Variants in DTNA observed in about 807,000 individuals in gnomAD.
DTNA encodes the protein dystrophin-related protein 3.
Under a neutral mutation model 100.7 loss-of-function variants are expected in DTNA, and 43 were observed. The ratio of observed to expected loss-of-function variants is 0.43; its 90% CI spans 0.33 to 0.55. The LOEUF is 0.55. Among genes scored for constraint, DTNA ranks in the 20% least tolerant of loss-of-function variants. The pLI, the probability that DTNA is intolerant of heterozygous loss-of-function variation, is 0.04. For synonymous variants in DTNA, 349 were observed against 347.9 expected, an observed-to-expected ratio of 1.00 and a Z score of -0.04; for missense variants, 798 against 953.9, an observed-to-expected ratio of 0.84 and a Z score of 2.15.
chr18:34,813,443 C>CA (rs60685560), intron 6 of DTNA, among the ~76,000 whole-genome samples: 38,588 of 115,496 alleles, frequency 0.33, 5,569 homozygotes, highest in African/African-American at 0.45. Context: ...GGCCCTGTCT[C>CA]AAAAAAAAAA....
At chr18:34,649,566 T>C (rs987196695) in intron 1 of DTNA, among the ~76,000 whole-genome samples, 1 of 152,192 alleles carries the variant, frequency 6.6e-6, no homozygotes, top group African/African-American at 2.4e-5. Flanking sequence ...AGCTACAAGT[T>C]GTTGGATTAA....
At chr18:34,744,960 G>A (rs1343312302) in intron 1 of DTNA, among the ~76,000 whole-genome samples, 2 of 151,940 alleles carry the variant, frequency 1.3e-5, no homozygotes, top group Non-Finnish European at 2.9e-5. Context: ...TCCACTTAAG[G>A]TACATCTTAG....
At chr18:34,672,967 AAC>A (rs554326721) in intron 1 of DTNA, among the ~76,000 whole-genome samples, 12 of 151,548 alleles carry the variant, frequency 7.9e-5, no homozygotes, top group Non-Finnish European at 1.5e-4. Flanking sequence ...CTTTGATCAA[AAC>A]ACACACACAC....
chr18:34,822,793 C>A (rs564767499), intron 9 of DTNA, among the ~76,000 whole-genome samples: 1 of 152,078 alleles, frequency 6.6e-6, no homozygotes, highest in Non-Finnish European at 1.5e-5. Flanking sequence ...CCTCACAATG[C>A]GTTCTTAGTT....
chr18:34,889,551 A>G lies in DTNA; in HGVS notation c.*1817A>G. 2 of 985,438 alleles carry G rather than the reference A, an allele frequency of 2.0e-6. No individual in the cohort carries two copies. Among genetic ancestry groups the G allele is most frequent in the Non-Finnish European group, 2.4e-6 (2 of 829,944 alleles). 61.0% of individuals were successfully genotyped at this position (985,438 alleles called of 1,614,324 possible). A position where few individuals can be genotyped will look rare whatever the true frequency, so the allele number is the denominator to read the frequency against. The stretch of plus-strand genomic sequence containing the variant: ...CTCTGAACCCACACACCAAGTTCGT[A>G]GTTGGTAGGTGCCCAGCCAAGTCCT... On this transcript the variant is annotated 3_prime_UTR_variant, in exon 23 of 23. Coordinates refer to ENST00000444659, the MANE Select transcript of DTNA (RefSeq NM_001386795.1).
At chr18:34,501,944 A>T (rs1184330800) in intron 1 of DTNA, among the ~76,000 whole-genome samples, 1 of 152,194 alleles carries the variant, frequency 6.6e-6, no homozygotes, top group Non-Finnish European at 1.5e-5. Context: ...CCTAACAGCT[A>T]CATTTTAATT....
intron 1 of DTNA, among the ~76,000 whole-genome samples, chr18:34,646,720 A>T (rs565124773): frequency 4.0e-4 from 61 of 152,004 alleles, no homozygotes; most frequent in South Asian, 1.7e-3. Flanking sequence ...TTATTTATTT[A>T]TTTTTTGAGA....
At chr18:34,622,762 G>A (rs71363459) in intron 1 of DTNA, among the ~76,000 whole-genome samples, 10,212 of 152,180 alleles carry the variant, frequency 0.067, 422 homozygotes, top group African/African-American at 0.079. Context: ...CTCTCCACCC[G>A]TCTTCTCAGG....
intron 1 of DTNA, among the ~76,000 whole-genome samples, chr18:34,569,931 A>G (rs2047431450): frequency 1.3e-5 from 2 of 152,158 alleles, no homozygotes; most frequent in Admixed American, 1.3e-4. Flanking sequence ...ATAATATCAC[A>G]GAAACATTCA....
rs545094323 is a variant in DTNA at position 34,814,863 on chromosome 18, A to G, written c.604-1046A>G. ...GTTGAAATCATAATAGCATTGTTGGAAACTTCCAGGAGTGCTTTTTAGCAA... is the reference window on the plus strand; with the variant it reads ...GTTGAAATCATAATAGCATTGTTGGGAACTTCCAGGAGTGCTTTTTAGCAA... On this transcript the variant is annotated intron_variant, in intron 6 of 22. Coordinates refer to ENST00000444659, the MANE Select transcript of DTNA (RefSeq NM_001386795.1). Among the ~76,000 whole-genome samples, 13 of 152,348 alleles carry G rather than the reference A, an allele frequency of 8.5e-5. 1 individual carries two copies. The South Asian group carries it at 2.7e-3, about 32-fold the overall frequency.
rs770527817 is a variant in DTNA, at chr18:34,888,774, C to T, written c.*1040C>T. The T allele has an allele frequency of 1.2e-5, 12 of 985,758 alleles. No homozygotes were observed. Among genetic ancestry groups the T allele is most frequent in the South Asian group, 9.4e-5 (2 of 21,288 alleles). The allele number at this position is 985,758 out of a possible 1,614,324, so 61.1% of individuals were successfully genotyped here. A position where few individuals can be genotyped will look rare whatever the true frequency, so the allele number is the denominator to read the frequency against. ...GAAGCATGTCTTTAACAGCACCGCTCGTTCACAAGTTCCCCCATCAAGTTG... is the reference window on the plus strand; with the variant it reads ...GAAGCATGTCTTTAACAGCACCGCTTGTTCACAAGTTCCCCCATCAAGTTG... On this transcript the variant is annotated 3_prime_UTR_variant, in exon 23 of 23. Coordinates refer to ENST00000444659, the MANE Select transcript of DTNA (RefSeq NM_001386795.1).
chr18:34,825,769 A>T (rs1277691436), intron 9 of DTNA, among the ~76,000 whole-genome samples: 2 of 152,222 alleles, frequency 1.3e-5, no homozygotes, highest in Admixed American at 6.5e-5. Context: ...TTCTAAATCC[A>T]CTTGTTTTCT....
At chr18:34,680,761 A>G (rs1212083498) in intron 1 of DTNA, among the ~76,000 whole-genome samples, 1 of 152,140 alleles carries the variant, frequency 6.6e-6, no homozygotes, top group Non-Finnish European at 1.5e-5. Flanking sequence ...CAGTAAATCA[A>G]TTTGCCTAGT....
chr18:34,719,694 C>G (rs987921846), intron 1 of DTNA, among the ~76,000 whole-genome samples: 2 of 152,172 alleles, frequency 1.3e-5, no homozygotes, highest in African/African-American at 4.8e-5. Context: ...TTATGTCATT[C>G]TACACCGACA....
At chr18:34,512,133 G>C (rs1185569980) in intron 1 of DTNA, among the ~76,000 whole-genome samples, 1 of 151,992 alleles carries the variant, frequency 6.6e-6, no homozygotes, top group Admixed American at 6.6e-5. Context: ...AGTCCCACTG[G>C]CTCTAGGCTG....
At chr18:34,578,051 C>T (rs2048281760) in intron 1 of DTNA, among the ~76,000 whole-genome samples, 1 of 151,026 alleles carries the variant, frequency 6.6e-6, no homozygotes, top group African/African-American at 2.4e-5. Flanking sequence ...ACACTGTTTT[C>T]CATAGTGGTT....
At chr18:34,609,335 C>T (rs2053765552) in intron 1 of DTNA, among the ~76,000 whole-genome samples, 1 of 151,188 alleles carries the variant, frequency 6.6e-6, no homozygotes, top group Non-Finnish European at 1.5e-5. Flanking sequence ...AGCTCCGCCT[C>T]CCGGGTTCAA....
rs934675935 is a variant in DTNA, at chr18:34,537,980, C to T, written c.-2+44466C>T. On this transcript the variant is annotated intron_variant, in intron 1 of 19. Coordinates refer to the DTNA transcript ENST00000283365. Reference sequence around the variant, plus strand: ...ATAGATAGGGAAAGGCAACGTGAAGCAACATGAAAGTACAATATATTTTAA... The same window carrying T: ...ATAGATAGGGAAAGGCAACGTGAAGTAACATGAAAGTACAATATATTTTAA... 9.9e-5 allele frequency among the ~76,000 whole-genome samples: 15 copies of T among 151,862 alleles called. No individual in the cohort carries two copies. In the South Asian group the frequency reaches 1.2e-3, roughly 13 times the overall value.
chr18:34,630,040 T>A lies in DTNA; in HGVS notation c.-1-125936T>A, dbSNP rs2057868945. Among the ~76,000 whole-genome samples the A allele has an allele frequency of 2.0e-5, 3 of 152,214 alleles. No individual in the cohort carries two copies. In the South Asian group the frequency reaches 6.2e-4, roughly 32 times the overall value. Reference sequence around the variant, plus strand: ...GTGGTTTCCAGGCCATATTCTACCATCACTTGATGAATATCTCTTTTTGGG... The same window carrying A: ...GTGGTTTCCAGGCCATATTCTACCAACACTTGATGAATATCTCTTTTTGGG... On this transcript the variant is annotated intron_variant, in intron 1 of 19. Coordinates refer to the DTNA transcript ENST00000283365.
Sources: allele counts gnomAD v4.1 joint callset (sites outside exome capture counted in the v4.1 genomes callset), GRCh38; gene constraint gnomAD v4.1.1; transcripts MANE v1.5; gene names NCBI Gene and HGNC (gene_info 2026-07-23, HGNC 2026-07-21).